The following SCAF8 variants were observed in gnomAD, a reference collection of about 807,000 sequenced individuals.
The protein encoded by SCAF8 is SR-related CTD associated factor 8, also known as SR-related and CTD-associated factor 8.
SCAF8 carries 23 observed loss-of-function variants against 140.5 expected under a neutral mutation model. The ratio of observed to expected loss-of-function variants is 0.16; its 90% CI spans 0.12 to 0.23. The LOEUF is 0.23. Ranked by LOEUF, SCAF8 falls within the 10% of genes least tolerant of loss-of-function variation. SCAF8 has a pLI of 1.00. For missense variants in SCAF8, 1,397 were observed against 1,555.7 expected, an observed-to-expected ratio of 0.90 and a Z score of 1.72; for synonymous variants, 575 against 528.9, an observed-to-expected ratio of 1.09 and a Z score of -1.20.
chr6:154,832,178 G>A lies in SCAF8; in HGVS notation c.2599G>A (p.Gly867Arg). 1.2e-6 allele frequency: 2 copies of A among 1,614,030 alleles called. No individual in the cohort carries two copies. Among genetic ancestry groups the A allele is most frequent in the Middle Eastern group, 3.3e-4 (2 of 6,062 alleles). The change falls in exon 20 of 20, where the codon GGA (glycine) becomes AGA (arginine). Residue 867 changes from glycine (G) to arginine (R), a missense_variant. Around this residue, in one of 5 missense-constraint regions of SCAF8, gnomAD observed 930 missense variants for 874.6 expected, o/e 1.06. Coordinates refer to ENST00000367178, the MANE Select transcript of SCAF8 (RefSeq NM_014892.5). ...GCCACCCAGTGTGTCAAATAGTTCT[G>A]GACTTTTGGGAGTGCTACCCCCAAA... The part of the protein sequence containing the change: ...IQPPSVSNSS[G>R]LLGVLPPNIP...
chr6:154,824,517 C>T, intron 17 of SCAF8, 139 bp downstream of exon 17: 1 of 707,240 alleles, frequency 1.4e-6, no homozygotes, highest in Non-Finnish European at 2.3e-6. Context: ...ATTGCTGGGC[C>T]CAGCCTCCAC....
chr6:154,793,852 A>G (rs566021672), intron 5 of SCAF8, among the ~76,000 whole-genome samples: 2 of 151,016 alleles, frequency 1.3e-5, no homozygotes, highest in East Asian at 1.9e-4. Flanking sequence ...TTTTTAAATC[A>G]TAGTTCCAAG....
At position 154,833,317 on chromosome 6, in the gene SCAF8, A is replaced by T; in HGVS notation, c.3738A>T (p.Ile1246=). The T allele has an allele frequency of 6.2e-7, 1 of 1,614,042 alleles. No homozygotes were observed. The highest frequency in any genetic ancestry group is 1.1e-5 in the South Asian group (1 of 91,074). The part of the protein sequence containing the change: ...LYEKLTSSNE[I]NKEKSDTVAD... ...AAAAACTGACATCTTCAAATGAAAT[A>T]AACAAGGAGAAGAGTGACACAGTTG... Residue 1246 remains isoleucine (I), a synonymous_variant, in exon 20 of 20, where the codon ATA becomes ATT. Transcript: ENST00000367178.
intron 3 of SCAF8, among the ~76,000 whole-genome samples, chr6:154,784,423 CATT>C (rs1777191389): frequency 1.3e-5 from 2 of 152,006 alleles, no homozygotes; most frequent in South Asian, 2.1e-4. Context: ...CATTCTTAAT[CATT>C]ATGATTAGAG....
At chr6:154,815,275 C>A (rs997653665) in intron 12 of SCAF8, among the ~76,000 whole-genome samples, 1 of 151,612 alleles carries the variant, frequency 6.6e-6, no homozygotes, top group Non-Finnish European at 1.5e-5. Flanking sequence ...CCAGCCTGGG[C>A]GACAGAGTGA....
chr6:154,785,658 G>T (rs1298488689), intron 3 of SCAF8, among the ~76,000 whole-genome samples: 1 of 147,846 alleles, frequency 6.8e-6, no homozygotes, highest in Non-Finnish European at 1.5e-5. Flanking sequence ...GCTGCAGGTG[G>T]GAGCACAAAT....
intron 15 of SCAF8, among the ~76,000 whole-genome samples, chr6:154,821,703 AGAC>A (rs1358924889): frequency 6.6e-6 from 1 of 152,204 alleles, no homozygotes; most frequent in Non-Finnish European, 1.5e-5. Context: ...AAAAATAAGA[AGAC>A]CATTATAGCT....
chr6:154,755,258 T>G (rs1007055422), intron 1 of SCAF8, among the ~76,000 whole-genome samples: 2 of 152,122 alleles, frequency 1.3e-5, no homozygotes, highest in Non-Finnish European at 2.9e-5. Flanking sequence ...ATTATTAGAT[T>G]ATTATTATTT....
chr6:154,747,896 C>CTG (rs71021073), intron 1 of SCAF8, among the ~76,000 whole-genome samples: 22,100 of 144,532 alleles, frequency 0.15, 1,679 homozygotes, highest in Non-Finnish European at 0.18. Context: ...CATTTCATTT[C>CTG]TGTGTGTGTG....
rs1273446426 is a variant in SCAF8, at chr6:154,820,156, TCC to T, written c.1636-20_1636-19del. On this transcript the variant is annotated intron_variant, in intron 14 of 19. Coordinates refer to ENST00000367178, the MANE Select transcript of SCAF8 (RefSeq NM_014892.5). ...GTATGTATGTATAACCTTTCTTTTT[TCC>T]TCTTCCCATTTACAATAGATCGCTT... 6 of 1,552,734 alleles carry T rather than the reference TCC, an allele frequency of 3.9e-6. No individual in the cohort carries two copies. The African/African-American group carries it at 4.2e-5, about 11-fold the overall frequency.
At chr6:154,758,399 C>T (rs1779018547) in intron 1 of SCAF8, among the ~76,000 whole-genome samples, 2 of 152,044 alleles carry the variant, frequency 1.3e-5, no homozygotes, top group South Asian at 2.1e-4. Context: ...TTTTGAGGTG[C>T]GCACAGCATA....
chr6:154,803,434 A>T (rs1583049981), intron 7 of SCAF8, 110 bp from the exon 8 acceptor site: 2 of 736,888 alleles, frequency 2.7e-6, no homozygotes, highest in Non-Finnish European at 2.4e-6. Context: ...GTTTATTTAC[A>T]CATTAAATGA....
At chr6:154,819,978 G>A in intron 14 of SCAF8, among the ~76,000 whole-genome samples, 199 bp from the exon 15 acceptor site, 1 of 152,176 alleles carries the variant, frequency 6.6e-6, no homozygotes, top group East Asian at 1.9e-4. Flanking sequence ...GACTGAGTGA[G>A]ACCCTGTCTC....
chr6:154,794,232 A>C (rs940106073), intron 5 of SCAF8, among the ~76,000 whole-genome samples: 1 of 152,166 alleles, frequency 6.6e-6, no homozygotes, highest in African/African-American at 2.4e-5. Context: ...ACCTGGCCCA[A>C]ACATGGTTTT....
chr6:154,824,333 C>T lies in SCAF8; in HGVS notation c.2026C>T (p.Pro676Ser), dbSNP rs766525846. 1.9e-6 allele frequency: 3 copies of T among 1,614,014 alleles called. No individual in the cohort carries two copies. Among genetic ancestry groups the T allele is most frequent in the East Asian group, 4.5e-5 (2 of 44,880 alleles). The change falls in exon 17 of 20, where the codon CCT (proline) becomes TCT (serine). Residue 676 changes from proline (P) to serine (S), a missense_variant. Pro to Ser is a moderately conservative substitution (Grantham distance 74, BLOSUM62 -1). Transcript: ENST00000367178. ...PPPGFSPIPP[P>S]PFLRASFNPS... ...TCCTGGATTCAGTCCAATCCCTCCA[C>T]CTCCTTTTTTAAGAGCAAGTTTTAA...
intron 14 of SCAF8, among the ~76,000 whole-genome samples, chr6:154,819,634 T>G (rs1778356138): frequency 6.6e-6 from 1 of 151,772 alleles, no homozygotes; most frequent in South Asian, 2.1e-4. Flanking sequence ...TCATGTAGGT[T>G]GACATTTTTA....
chr6:154,784,498 T>TGGAA (rs1777194804), intron 3 of SCAF8, among the ~76,000 whole-genome samples: 1 of 152,180 alleles, frequency 6.6e-6, no homozygotes, highest in African/African-American at 2.4e-5. Context: ...CAGTCACTCT[T>TGGAA]CCGTTTCTGT....
At chr6:154,748,972 T>C (rs1778774116) in intron 1 of SCAF8, among the ~76,000 whole-genome samples, 1 of 152,214 alleles carries the variant, frequency 6.6e-6, no homozygotes, top group Admixed American at 6.5e-5. Context: ...AGACGGAGTT[T>C]TCTCTGTCGC....
At chr6:154,784,128 T>TATATATATATATATAC (rs1777172059) in intron 3 of SCAF8, among the ~76,000 whole-genome samples, 1 of 60,608 alleles carries the variant, frequency 1.6e-5, no homozygotes, top group African/African-American at 1.6e-4. Context: ...GAGATATATA[T>TATATATATATATATAC]ATATATATAT....
Sources: gnomAD v4.1 joint callset for allele counts (sites outside exome capture counted in the v4.1 genomes callset) on GRCh38, gnomAD v4.1.1 for gene constraint, gnomAD v4.1.1 regional missense constraint, MANE v1.5 for transcripts, NCBI Gene and HGNC (gene_info 2026-07-23, HGNC 2026-07-21) for gene names.